The following SPATS2L variants were observed in gnomAD, a reference collection of about 807,000 sequenced individuals.
The protein encoded by SPATS2L is spermatogenesis associated serine rich 2 like, also known as SPATS2-like protein.
In SPATS2L, 30 loss-of-function variants were observed where a neutral mutation model predicts 59.6. The observed-to-expected ratio is 0.50, with a 90% CI of 0.38 to 0.68. The LOEUF is 0.68. Ranked by LOEUF, SPATS2L falls within the 30% of genes least tolerant of loss-of-function variation. SPATS2L has a pLI of 0.00. For missense variants in SPATS2L, 615 were observed against 700.0 expected (o/e 0.88, Z 1.37); for synonymous variants, 252 against 263.5 (o/e 0.96, Z 0.42).
intron 2 of SPATS2L, among the ~76,000 whole-genome samples, chr2:200,364,000 G>GA (rs560147905): frequency 9.9e-5 from 15 of 151,828 alleles, no homozygotes; most frequent in Middle Eastern, 6.8e-3. Flanking sequence ...CTTGGAGAGT[G>GA]AAAAAAAACA....
chr2:200,445,249 G>T (rs1471225298), intron 8 of SPATS2L, among the ~76,000 whole-genome samples: 1 of 152,194 alleles, frequency 6.6e-6, no homozygotes, highest in Non-Finnish European at 1.5e-5. Context: ...GGAAGTCGAG[G>T]CTGTGGTGAG....
intron 2 of SPATS2L, among the ~76,000 whole-genome samples, chr2:200,386,789 T>C (rs1401633722): frequency 1.3e-5 from 2 of 152,152 alleles, no homozygotes; most frequent in African/African-American, 4.8e-5. Flanking sequence ...CACCATTCAG[T>C]TCTTCATAGT....
chr2:200,461,431 A>C (rs2086234030), intron 9 of SPATS2L: 1 of 152,204 alleles, frequency 6.6e-6, no homozygotes, highest in Non-Finnish European at 1.5e-5. Flanking sequence ...TACCATCTTA[A>C]ATAGACTGAG....
intron 2 of SPATS2L, among the ~76,000 whole-genome samples, chr2:200,364,700 T>G (rs1326395339): frequency 6.6e-6 from 1 of 152,236 alleles, no homozygotes; most frequent in Non-Finnish European, 1.5e-5. Context: ...CAATTCTCCC[T>G]GTATTTTCTT....
rs3036483 is a variant in SPATS2L at position 200,327,860 on chromosome 2, G to GCACACA, written c.-72-1556_-72-1551dup. On this transcript the variant is annotated intron_variant, in intron 1 of 12. Coordinates refer to ENST00000409140, the MANE Select transcript of SPATS2L (RefSeq NM_001100423.2). ...TTCCCGTAGAAGCAGGCGTGTGCGG[G>GCACACA]CACACACACACACACACACATACAC... Among the ~76,000 whole-genome samples the GCACACA allele has an allele frequency of 5.0e-3, 748 of 150,504 alleles. 6 individuals are homozygous for GCACACA. Among genetic ancestry groups the GCACACA allele is most frequent in the African/African-American group, 0.017 (680 of 41,004 alleles).
At chr2:200,442,546 C>A (rs1254539090) in intron 8 of SPATS2L, among the ~76,000 whole-genome samples, 1 of 152,198 alleles carries the variant, frequency 6.6e-6, no homozygotes, top group Admixed American at 6.5e-5. Context: ...GAAGACCACT[C>A]TGTCTTACTC....
intron 2 of SPATS2L, among the ~76,000 whole-genome samples, chr2:200,374,289 CTT>C (rs2081527160): frequency 6.6e-6 from 1 of 152,154 alleles, no homozygotes; most frequent in African/African-American, 2.4e-5. Context: ...CGAAGTTTCA[CTT>C]TCGCTCTTCC....
intron 8 of SPATS2L, among the ~76,000 whole-genome samples, chr2:200,448,294 A>T (rs1338040976): frequency 6.6e-6 from 1 of 151,820 alleles, no homozygotes; most frequent in Non-Finnish European, 1.5e-5. Flanking sequence ...ATACAAAAAT[A>T]AGCCCGGTGT....
intron 1 of SPATS2L, among the ~76,000 whole-genome samples, chr2:200,314,198 A>G (rs990815562): frequency 6.6e-6 from 1 of 152,180 alleles, no homozygotes; most frequent in African/African-American, 2.4e-5. Flanking sequence ...TCAATCCAGC[A>G]TACTCCTTCT....
intron 2 of SPATS2L, among the ~76,000 whole-genome samples, chr2:200,338,148 C>T (rs2080204003): frequency 6.6e-6 from 1 of 152,154 alleles, no homozygotes; most frequent in Admixed American, 6.5e-5. Flanking sequence ...CCTCAGCCTC[C>T]AGAGTAGCTG....
Position 200,355,020 on chromosome 2 carries a change from G to A in SPATS2L, c.-23+25540G>A, listed in dbSNP as rs295144. The stretch of plus-strand genomic sequence containing the variant: ...TGTAGTAAAGTATGGTTGGATATAC[G>A]TACAATCCCTGACTTACAAGAACTT... On this transcript the variant is annotated intron_variant, in intron 2 of 12. Coordinates refer to ENST00000409140, the MANE Select transcript of SPATS2L (RefSeq NM_001100423.2). Among the ~76,000 whole-genome samples the A allele has an allele frequency of 6.1e-3, 925 of 152,004 alleles. 12 individuals are homozygous for A. The highest frequency in any genetic ancestry group is 0.021 in the African/African-American group (884 of 41,436).
At chr2:200,321,952 T>G (rs1016342017) in intron 1 of SPATS2L, among the ~76,000 whole-genome samples, 12 of 152,210 alleles carry the variant, frequency 7.9e-5, no homozygotes, top group Non-Finnish European at 1.6e-4. Context: ...CAGCGTCAGA[T>G]TTCAAAGCTT....
At chr2:200,464,721 C>T (rs1360709168) in intron 9 of SPATS2L, among the ~76,000 whole-genome samples, 1 of 152,084 alleles carries the variant, frequency 6.6e-6, no homozygotes, top group East Asian at 1.9e-4. Flanking sequence ...TCAAGCAATC[C>T]TCCTGCCTCA....
intron 2 of SPATS2L, among the ~76,000 whole-genome samples, chr2:200,365,872 C>T (rs921671375): frequency 1.1e-4 from 17 of 152,132 alleles, no homozygotes; most frequent in African/African-American, 4.1e-4. Context: ...CAAAGTTCCT[C>T]GAGGCCAGGG....
chr2:200,477,199 AG>A (rs1284695543), intron 12 of SPATS2L, among the ~76,000 whole-genome samples: 3 of 152,192 alleles, frequency 2.0e-5, no homozygotes, highest in African/African-American at 7.2e-5. Flanking sequence ...GGTCTTGGCC[AG>A]GGACCCTGCC....
Position 200,417,890 on chromosome 2 carries a change from C to T in SPATS2L, c.199-1360C>T, listed in dbSNP as rs532345840. On this transcript the variant is annotated intron_variant, in intron 5 of 12. Transcript: ENST00000409140. ...GTGGGACAGGGTCTTTCTTATGGGT[C>T]GGCGTCTGTTCTGATTGGCCGGGGC... 7.9e-4 allele frequency among the ~76,000 whole-genome samples: 121 copies of T among 152,260 alleles called. No homozygotes were observed. In the Middle Eastern group the frequency reaches 0.01, roughly 13 times the overall value.
rs1574341735 is a variant in SPATS2L, at chr2:200,384,824, A to G, written c.-22-4399A>G. Among the ~76,000 whole-genome samples, 4 of 152,356 alleles carry G rather than the reference A, an allele frequency of 2.6e-5. No individual in the cohort carries two copies. In the South Asian group the frequency reaches 8.3e-4, roughly 32 times the overall value. ...GATGATTATATCTACATATGTTTAT[A>G]ATGGTATTACTGAAATCTAAATTGC... On this transcript the variant is annotated intron_variant, in intron 2 of 12. Coordinates refer to ENST00000409140, the MANE Select transcript of SPATS2L (RefSeq NM_001100423.2).
chr2:200,417,586 T>C (rs892388121), intron 5 of SPATS2L, among the ~76,000 whole-genome samples: 5 of 151,676 alleles, frequency 3.3e-5, no homozygotes, highest in African/African-American at 4.9e-5. Context: ...CTCCTGGAGG[T>C]TGAAAAGGAA....
At chr2:200,451,302 G>A (rs979995843) in intron 8 of SPATS2L, among the ~76,000 whole-genome samples, 4 of 151,876 alleles carry the variant, frequency 2.6e-5, no homozygotes, top group African/African-American at 7.3e-5. Context: ...ACCCCAACCT[G>A]GGCAACAGAG....
Sources: gnomAD v4.1 joint callset for allele counts (sites outside exome capture counted in the v4.1 genomes callset) on GRCh38, gnomAD v4.1.1 for gene constraint, MANE v1.5 for transcripts, NCBI Gene and HGNC (gene_info 2026-07-23, HGNC 2026-07-21) for gene names.